Variants in ARHGAP6 observed in about 807,000 individuals in gnomAD.
ARHGAP6 encodes the protein Rho GTPase activating protein 6, also known as rho GTPase-activating protein 6.
A neutral mutation model predicts 55.7 loss-of-function variants in ARHGAP6; 16 were observed. The observed-to-expected ratio is 0.29, with a 90% CI of 0.19 to 0.44. The LOEUF (loss-of-function observed/expected upper bound fraction) is 0.44. Ranked by LOEUF, ARHGAP6 falls within the 20% of genes least tolerant of loss-of-function variation. The probability of loss-of-function intolerance (pLI) is 1.00; values close to 1 mark genes in which losing one functional copy is unlikely to be tolerated. For synonymous variants in ARHGAP6, 382 were observed against 360.9 expected, an observed-to-expected ratio of 1.06 and a Z score of -0.66; for missense variants, 698 against 808.9, an observed-to-expected ratio of 0.86 and a Z score of 1.66.
In ARHGAP6 at chrX:11,664,442, G is replaced by A; in HGVS notation, c.387C>T (p.Gly129=). ...HFDYEVPLGR[G]GLKKSMAWDL... is the part of the protein sequence containing the mutation. ...CCCAGGCCATGCTCTTCTTGAGGCCGCCGCGACCCAGGGGAACCTCATAGT... is the reference window on the plus strand; with the variant it reads ...CCCAGGCCATGCTCTTCTTGAGGCCACCGCGACCCAGGGGAACCTCATAGT... Residue 129 remains glycine (G), a synonymous_variant, in exon 1 of 13, where the codon GGC becomes GGT. Coordinates refer to ENST00000337414, the MANE Select transcript of ARHGAP6 (RefSeq NM_013427.3). The A allele has an allele frequency of 2.5e-6, 3 of 1,211,706 alleles. No individual in the cohort carries two copies. The highest frequency in any genetic ancestry group is 3.4e-6 in the Non-Finnish European group (3 of 895,299).
intron 1 of ARHGAP6, among the ~76,000 whole-genome samples, chrX:11,486,293 G>A (rs2050510437): frequency 1.8e-5 from 2 of 111,871 alleles, no homozygotes; most frequent in African/African-American, 3.2e-5. Context: ...AGAGCCAAGA[G>A]AAAATAATTT....
chrX:11,490,977 G>A (rs947610846), intron 1 of ARHGAP6, among the ~76,000 whole-genome samples: 1 of 112,180 alleles, frequency 8.9e-6, no homozygotes, highest in African/African-American at 3.2e-5. Flanking sequence ...GGGTGAGAAT[G>A]AAGCAGTCAA....
At chrX:11,371,828 AG>A (rs2049147130) in intron 1 of ARHGAP6, among the ~76,000 whole-genome samples, 2 of 112,497 alleles carry the variant, frequency 1.8e-5, no homozygotes, top group Admixed American at 1.9e-4. Context: ...CATAATAATT[AG>A]GAATAGATGA....
At chrX:11,255,787 C>T (rs1225203536) in intron 1 of ARHGAP6, among the ~76,000 whole-genome samples, 1 of 111,927 alleles carries the variant, frequency 8.9e-6, no homozygotes, top group East Asian at 2.8e-4. Flanking sequence ...AAAGTGTACT[C>T]ATGTGTACAC....
chrX:11,528,385 C>T (rs1038274210), intron 1 of ARHGAP6, among the ~76,000 whole-genome samples: 1 of 112,058 alleles, frequency 8.9e-6, no homozygotes, highest in Non-Finnish European at 1.9e-5. Context: ...GTCCAGCTTA[C>T]CAAGGGCATA....
rs2052751017 is a variant in ARHGAP6, at chrX:11,665,727, G to A, written c.-899C>T. ...TTGGGCCCAGGGCAGACGCGGAGAT[G>A]ACCCCGTACGCTCGCTCTAGAGGCA... is the stretch of plus-strand genomic sequence containing the variant. On this transcript the variant is annotated 5_prime_UTR_variant, in exon 1 of 13. Transcript: ENST00000337414. The A allele has an allele frequency of 8.8e-6, 1 of 113,162 alleles. No homozygotes were observed. Among genetic ancestry groups the A allele is most frequent in the African/African-American group, 3.2e-5 (1 of 31,157 alleles). The allele number at this position is 113,162 out of a possible 1,213,427, so 9.3% of individuals were successfully genotyped here.
At chrX:11,301,609 T>C (rs749631446) in intron 1 of ARHGAP6, among the ~76,000 whole-genome samples, 1 of 111,901 alleles carries the variant, frequency 8.9e-6, no homozygotes, top group African/African-American at 3.2e-5. Context: ...TTCAAACAAA[T>C]AACTTGATTT....
intron 1 of ARHGAP6, among the ~76,000 whole-genome samples, chrX:11,520,875 C>G (rs1401680576): frequency 8.9e-6 from 1 of 112,075 alleles, no homozygotes; most frequent in East Asian, 2.8e-4. Context: ...GAGATGGTAT[C>G]TCATTGCAGT....
chrX:11,596,691 G>T (rs1401126558), intron 1 of ARHGAP6, among the ~76,000 whole-genome samples: 1 of 111,141 alleles, frequency 9.0e-6, no homozygotes, highest in East Asian at 2.8e-4. Context: ...ATAAGGTCTG[G>T]CCCCCAGGCT....
intron 12 of ARHGAP6, among the ~76,000 whole-genome samples, chrX:11,139,996 A>G (rs1274865134): frequency 1.8e-5 from 2 of 111,368 alleles, no homozygotes; most frequent in Admixed American, 9.5e-5. Context: ...ATTCCATGCC[A>G]GAAGGCAGGC....
At chrX:11,453,737 AC>A (rs2050167867) in intron 1 of ARHGAP6, among the ~76,000 whole-genome samples, 1 of 111,600 alleles carries the variant, frequency 9.0e-6, no homozygotes, top group Admixed American at 9.6e-5. Context: ...CTATCAATCC[AC>A]TTGCTTTTGT....
intron 1 of ARHGAP6, among the ~76,000 whole-genome samples, chrX:11,311,724 G>T (rs369172243): frequency 1.3e-4 from 14 of 111,763 alleles, no homozygotes; most frequent in African/African-American, 4.6e-4. Flanking sequence ...TCCCCAAAGC[G>T]CCGGCTGTGT....
At chrX:11,591,390 ATAATTATT>A in intron 1 of ARHGAP6, among the ~76,000 whole-genome samples, 1 of 108,291 alleles carries the variant, frequency 9.2e-6, no homozygotes, top group African/African-American at 3.3e-5. Context: ...ATTTAATTAA[ATAATTATT>A]TAATTATATA....
intron 1 of ARHGAP6, among the ~76,000 whole-genome samples, chrX:11,496,586 A>C (rs2050624914): frequency 8.9e-6 from 1 of 111,991 alleles, no homozygotes; most frequent in Non-Finnish European, 1.9e-5. Flanking sequence ...AAAAAAAAGA[A>C]TTATTGTGCT....
At chrX:11,419,402 A>G (rs756886252) in intron 1 of ARHGAP6, among the ~76,000 whole-genome samples, 3 of 112,318 alleles carry the variant, frequency 2.7e-5, no homozygotes, top group Non-Finnish European at 5.6e-5. Context: ...TTTTGAGATA[A>G]AAGTTAAGAC....
chrX:11,621,149 A>T (rs181899640), intron 1 of ARHGAP6, among the ~76,000 whole-genome samples: 95 of 111,503 alleles, frequency 8.5e-4, no homozygotes, highest in Non-Finnish European at 1.5e-3. Flanking sequence ...AAAGTGGGTG[A>T]GAGAGAGAGA....
At chrX:11,238,328 AC>A (rs1335667197) in intron 2 of ARHGAP6, among the ~76,000 whole-genome samples, 1 of 112,405 alleles carries the variant, frequency 8.9e-6, no homozygotes, top group Admixed American at 9.4e-5. Flanking sequence ...AATTTCTAGG[AC>A]TACAGATGGG....
At chrX:11,364,682 G>T (rs2049053526) in intron 1 of ARHGAP6, among the ~76,000 whole-genome samples, 1 of 111,784 alleles carries the variant, frequency 8.9e-6, no homozygotes, top group Non-Finnish European at 1.9e-5. Context: ...ACAAAAAAGA[G>T]CAAGAAATAA....
intron 2 of ARHGAP6, among the ~76,000 whole-genome samples, chrX:11,218,929 C>T (rs2046921058): frequency 9.3e-6 from 1 of 107,649 alleles, no homozygotes; most frequent in Non-Finnish European, 1.9e-5. Flanking sequence ...GGTACATGTG[C>T]ACATTGTGCA....
Sources: allele counts gnomAD v4.1 joint callset (sites outside exome capture counted in the v4.1 genomes callset), GRCh38; gene constraint gnomAD v4.1.1; transcripts MANE v1.5; gene names NCBI Gene and HGNC (gene_info 2026-07-23, HGNC 2026-07-21).